The following DPP10 variants were observed in gnomAD, a reference collection of about 807,000 sequenced individuals.
The protein encoded by DPP10 is inactive dipeptidyl peptidase 10.
Under a neutral mutation model 120.9 loss-of-function variants are expected in DPP10, and 33 were observed. The observed-to-expected ratio is 0.27, with a 90% CI of 0.21 to 0.37. The LOEUF is 0.37. Ranked by LOEUF, DPP10 falls within the 10% of genes least tolerant of loss-of-function variation. DPP10 has a pLI of 1.00. For synonymous variants in DPP10, 337 were observed against 326.1 expected (o/e 1.03, Z -0.36); for missense variants, 816 against 942.8 (o/e 0.87, Z 1.76).
intron 5 of DPP10, among the ~76,000 whole-genome samples, chr2:115,643,599 G>C (rs148216274): frequency 1.0e-3 from 158 of 152,318 alleles, no homozygotes; most frequent in African/African-American, 3.6e-3. Flanking sequence ...TATAAAAACA[G>C]AGTTATATTC....
intron 1 of DPP10, among the ~76,000 whole-genome samples, chr2:115,288,401 A>T (rs1296931418): frequency 6.6e-6 from 1 of 152,022 alleles, no homozygotes; most frequent in Non-Finnish European, 1.5e-5. Flanking sequence ...ATTCAATAAA[A>T]TCCAACATCT....
chr2:114,656,897 A>C (rs1037436344), intron 1 of DPP10, among the ~76,000 whole-genome samples: 14 of 152,322 alleles, frequency 9.2e-5, no homozygotes, highest in East Asian at 5.8e-4. Flanking sequence ...TAAGTGGTCA[A>C]ACCAAGTTAA....
chr2:115,451,768 T>A (rs896610498), intron 3 of DPP10, among the ~76,000 whole-genome samples: 1 of 151,950 alleles, frequency 6.6e-6, no homozygotes, highest in Non-Finnish European at 1.5e-5. Flanking sequence ...ATTATAAAAA[T>A]TAACGCATAA....
At chr2:115,216,031 C>G (rs2056797434) in intron 1 of DPP10, among the ~76,000 whole-genome samples, 1 of 152,100 alleles carries the variant, frequency 6.6e-6, no homozygotes, top group South Asian at 2.1e-4. Flanking sequence ...AGGCCATTAT[C>G]TTAAGTGAGA....
chr2:114,672,841 C>T (rs551979853), intron 1 of DPP10, among the ~76,000 whole-genome samples: 102 of 152,262 alleles, frequency 6.7e-4, no homozygotes, highest in Non-Finnish European at 6.3e-4. Flanking sequence ...CACACTCTCA[C>T]GAGAGCACTG....
chr2:115,557,418 C>T (rs1022056363), intron 5 of DPP10, among the ~76,000 whole-genome samples: 2 of 152,180 alleles, frequency 1.3e-5, no homozygotes, highest in South Asian at 2.1e-4. Context: ...GTAAGATGGC[C>T]GTAGAATTAT....
intron 2 of DPP10, among the ~76,000 whole-genome samples, chr2:115,330,694 C>G (rs1168408291): frequency 7.2e-5 from 11 of 152,002 alleles, no homozygotes; most frequent in African/African-American, 2.2e-4. Context: ...AATAGGGAAT[C>G]CTTTCCCCAT....
intron 1 of DPP10, among the ~76,000 whole-genome samples, chr2:114,727,207 G>A (rs2105927797): frequency 6.6e-6 from 1 of 152,292 alleles, no homozygotes; most frequent in East Asian, 1.9e-4. Context: ...CAGGAATTCT[G>A]GGAGCAGGCG....
rs11678086 is a variant in DPP10, at chr2:114,693,509, C to T, written c.60+250671C>T. Among the ~76,000 whole-genome samples the T allele has an allele frequency of 9.4e-3, 1,429 of 151,942 alleles. 14 individuals carry two copies. Among genetic ancestry groups the T allele is most frequent in the Middle Eastern group, 0.017 (5 of 294 alleles). On this transcript the variant is annotated intron_variant, in intron 1 of 25. Coordinates refer to ENST00000410059, the MANE Select transcript of DPP10 (RefSeq NM_020868.6). ...GGACTTTCTCTCTGGCTGCCCTTAA[C>T]ATTTTTTCTTTCATTTCGATTTTGG...
At chr2:115,013,175 T>C (rs1405519209) in intron 1 of DPP10, among the ~76,000 whole-genome samples, 2 of 152,196 alleles carry the variant, frequency 1.3e-5, no homozygotes, top group Admixed American at 6.5e-5. Context: ...CAGGAGCTCT[T>C]GTAAGGCAGG....
At chr2:115,692,983 T>C (rs2091397780) in intron 7 of DPP10, among the ~76,000 whole-genome samples, 1 of 152,172 alleles carries the variant, frequency 6.6e-6, no homozygotes, top group Admixed American at 6.6e-5. Context: ...AAAGAAATCC[T>C]ACAAACAACC....
At chr2:115,483,865 G>A (rs1321535542) in intron 3 of DPP10, among the ~76,000 whole-genome samples, 3 of 152,058 alleles carry the variant, frequency 2.0e-5, no homozygotes, top group Admixed American at 6.6e-5. Flanking sequence ...CTTCTCAGCA[G>A]TGTCAGACTG....
At chr2:115,690,849 G>A (rs1426127757) in intron 7 of DPP10, among the ~76,000 whole-genome samples, 1 of 152,096 alleles carries the variant, frequency 6.6e-6, no homozygotes, top group Non-Finnish European at 1.5e-5. Context: ...CTGATTTCTA[G>A]GTTATTTGTT....
chr2:115,058,963 C>T (rs1473434639), intron 1 of DPP10, among the ~76,000 whole-genome samples: 1 of 152,112 alleles, frequency 6.6e-6, no homozygotes, highest in African/African-American at 2.4e-5. Flanking sequence ...TTATAAAACG[C>T]AGATCTCTTA....
intron 1 of DPP10, among the ~76,000 whole-genome samples, chr2:114,478,242 C>A (rs182718655): frequency 2.6e-5 from 4 of 151,896 alleles, no homozygotes; most frequent in Admixed American, 2.6e-4. Context: ...AGATTTATTC[C>A]AGGTATGAAA....
intron 11 of DPP10, among the ~76,000 whole-genome samples, chr2:115,758,062 G>A (rs1202928230): frequency 6.6e-6 from 1 of 152,062 alleles, no homozygotes; most frequent in Non-Finnish European, 1.5e-5. Flanking sequence ...AATCAGTATA[G>A]TGTTAGGAAA....
At chr2:114,740,192 T>C (rs112176995) in intron 1 of DPP10, among the ~76,000 whole-genome samples, 2,702 of 151,214 alleles carry the variant, frequency 0.018, 97 homozygotes, top group African/African-American at 0.063. Context: ...AAATGATGAG[T>C]TCATGTCCTT....
intron 5 of DPP10, among the ~76,000 whole-genome samples, chr2:115,675,192 T>A (rs556656998): frequency 6.6e-6 from 1 of 152,280 alleles, no homozygotes; most frequent in South Asian, 2.1e-4. Flanking sequence ...AAGTTTTCAG[T>A]GTAAATGCTG....
intron 1 of DPP10, among the ~76,000 whole-genome samples, chr2:115,134,900 G>A (rs1386356319): frequency 6.6e-6 from 1 of 152,134 alleles, no homozygotes; most frequent in Admixed American, 6.5e-5. Flanking sequence ...ATTTCTGGGA[G>A]AGAATCAGCA....
Sources: allele counts gnomAD v4.1 joint callset (sites outside exome capture counted in the v4.1 genomes callset), GRCh38; gene constraint gnomAD v4.1.1; transcripts MANE v1.5; gene names NCBI Gene and HGNC (gene_info 2026-07-23, HGNC 2026-07-21).